NTM: variants seen among roughly 807,000 people sequenced by gnomAD.
NTM encodes neurotrimin, also known as IgLON family member 2.
Under a neutral mutation model 42.1 loss-of-function variants are expected in NTM, and 13 were observed. That is an observed-to-expected ratio of 0.31 (90% CI 0.20 to 0.49). NTM has a LOEUF of 0.49. NTM is among the 20% of genes least tolerant of loss of function. The pLI is 0.99. For synonymous variants in NTM, 187 were observed against 179.2 expected (o/e 1.04, Z -0.35); for missense variants, 373 against 452.8 (o/e 0.82, Z 1.60).
rs568185285 is a variant in NTM, at chr11:131,761,723, C to T, written c.83-149841C>T. Among the ~76,000 whole-genome samples the T allele has an allele frequency of 1.7e-3, 255 of 152,028 alleles. 1 individual carries two copies. The highest frequency in any genetic ancestry group is 6.0e-3 in the African/African-American group (248 of 41,458). On this transcript the variant is annotated intron_variant, in intron 1 of 8. Transcript: ENST00000683400. ...ACTCAGGTGGCTGGGGCAGGGGAAT[C>T]GCTTGAACCTGGCAGGCGGAGGTTG...
chr11:131,549,936 G>A (rs956496355), intron 1 of NTM, among the ~76,000 whole-genome samples: 2 of 152,180 alleles, frequency 1.3e-5, no homozygotes, highest in Non-Finnish European at 2.9e-5. Flanking sequence ...TCTGTATTAT[G>A]CTAGTACAGC....
Position 132,316,919 on chromosome 11 carries a change from G to T in NTM, c.934+2216G>T, listed in dbSNP as rs140047146. On this transcript the variant is annotated intron_variant, in intron 7 of 8. Transcript: ENST00000683400. ...AAGCCAACAAGCACACTTGGGGCAG[G>T]TTGGAAAGCAGCATGTACTTTTTGC... is the stretch of plus-strand genomic sequence containing the variant. Among the ~76,000 whole-genome samples, 655 of 152,292 alleles carry T rather than the reference G, an allele frequency of 4.3e-3. 4 individuals carry two copies. The highest frequency in any genetic ancestry group is 0.014 in the African/African-American group (590 of 41,550).
chr11:131,796,455 G>A (rs2136192264), intron 1 of NTM, among the ~76,000 whole-genome samples: 1 of 152,338 alleles, frequency 6.6e-6, no homozygotes, highest in East Asian at 1.9e-4. Context: ...ACTAGTGGCT[G>A]CTGCCAGTAT....
chr11:131,664,127 A>C (rs1368318571), intron 1 of NTM, among the ~76,000 whole-genome samples: 2 of 152,194 alleles, frequency 1.3e-5, no homozygotes, highest in African/African-American at 4.8e-5. Flanking sequence ...TGCAGCCAGC[A>C]CAGGGAGGTG....
intron 8 of NTM, among the ~76,000 whole-genome samples, chr11:132,332,018 A>G (rs544068338): frequency 2.2e-4 from 34 of 152,194 alleles, no homozygotes; most frequent in South Asian, 6.2e-4. Context: ...ACTTGGTGCT[A>G]GCCTGTTGGC....
intron 1 of NTM, among the ~76,000 whole-genome samples, chr11:131,564,110 G>A (rs781505456): frequency 8.5e-5 from 13 of 152,228 alleles, no homozygotes; most frequent in Middle Eastern, 6.8e-3. Context: ...CTCTGCCAGT[G>A]GTTTATGCCC....
At chr11:131,706,256 T>C (rs1187813672) in intron 1 of NTM, among the ~76,000 whole-genome samples, 1 of 151,636 alleles carries the variant, frequency 6.6e-6, no homozygotes, top group African/African-American at 2.4e-5. Context: ...CATTATAAAA[T>C]GAAAAAGGGA....
At chr11:131,456,881 CTA>C (rs1333802160) in intron 1 of NTM, among the ~76,000 whole-genome samples, 1 of 152,256 alleles carries the variant, frequency 6.6e-6, no homozygotes, top group East Asian at 1.9e-4. Context: ...TTTCCTATCT[CTA>C]TGATTTTCAT....
At chr11:132,110,478 T>C (rs911365394) in intron 2 of NTM, among the ~76,000 whole-genome samples, 19 of 152,234 alleles carry the variant, frequency 1.2e-4, no homozygotes, top group African/African-American at 4.1e-4. Context: ...ATTCCTAATA[T>C]CACGTTGCCC....
At chr11:132,316,960 T>C (rs1253213976) in intron 7 of NTM, among the ~76,000 whole-genome samples, 1 of 152,246 alleles carries the variant, frequency 6.6e-6, no homozygotes, top group Non-Finnish European at 1.5e-5. Flanking sequence ...TACAAACTTC[T>C]TGATGAAGTT....
intron 1 of NTM, among the ~76,000 whole-genome samples, chr11:131,843,256 C>G (rs1592226096): frequency 6.6e-6 from 1 of 152,230 alleles, no homozygotes; most frequent in East Asian, 1.9e-4. Flanking sequence ...TCTCCCCTCT[C>G]CAGAGGTCCC....
At chr11:131,890,259 C>T (rs965630239) in intron 1 of NTM, among the ~76,000 whole-genome samples, 2 of 152,170 alleles carry the variant, frequency 1.3e-5, no homozygotes, top group Non-Finnish European at 2.9e-5. Context: ...TGTAGAGACA[C>T]ACACCATACC....
chr11:131,996,268 G>A lies in NTM; in HGVS notation c.167+84620G>A, dbSNP rs116883793. 2.8e-3 allele frequency among the ~76,000 whole-genome samples: 433 copies of A among 152,128 alleles called. 8 individuals carry two copies. In the East Asian group the frequency reaches 0.034, roughly 12 times the overall value. ...GAGTCCAAAAGTTAAGGAAAGAAAA[G>A]CAGTCACCCTGCTGTTCCCCTGACC... is the stretch of plus-strand genomic sequence containing the variant. On this transcript the variant is annotated intron_variant, in intron 2 of 8. Transcript: ENST00000683400.
In NTM at chr11:131,667,733, C is replaced by A. The variant is rs545212216; in HGVS notation, c.83-243831C>A. On this transcript the variant is annotated intron_variant, in intron 1 of 8. Transcript: ENST00000683400. ...ACCTTGAGACTTTGAGGGCTTCTCACCCTGATCTCACCTTAGAACCACCCA... is the reference window on the plus strand; with the variant it reads ...ACCTTGAGACTTTGAGGGCTTCTCAACCTGATCTCACCTTAGAACCACCCA... 2.0e-5 allele frequency among the ~76,000 whole-genome samples: 3 copies of A among 152,324 alleles called. No homozygotes were observed. The South Asian group carries it at 6.2e-4, about 32-fold the overall frequency.
intron 1 of NTM, among the ~76,000 whole-genome samples, chr11:131,461,416 A>C (rs1253263534): frequency 6.6e-6 from 1 of 152,244 alleles, no homozygotes; most frequent in Non-Finnish European, 1.5e-5. Flanking sequence ...AAAGAAAATT[A>C]AAAGACAGCT....
intron 1 of NTM, among the ~76,000 whole-genome samples, chr11:131,488,300 G>A (rs764539333): frequency 2.0e-5 from 3 of 152,134 alleles, no homozygotes; most frequent in African/African-American, 4.8e-5. Flanking sequence ...CATTCAGCTC[G>A]GAGCTCAGCT....
chr11:131,789,645 G>GAAGAAGA lies in NTM; in HGVS notation c.83-121917_83-121911dup, dbSNP rs1565553215. On this transcript the variant is annotated intron_variant, in intron 1 of 8. Coordinates refer to ENST00000683400, the MANE Select transcript of NTM (RefSeq NM_001352005.2). ...AAGAAGAAGAAGAAGAAAAGAAGAA[G>GAAGAAGA]AAGAAGAAGAAGAAGAAGAAGAAAG... Among the ~76,000 whole-genome samples the GAAGAAGA allele has an allele frequency of 1.2e-4, 16 of 128,300 alleles. 1 individual carries two copies. The highest frequency in any genetic ancestry group is 4.7e-4 in the African/African-American group (16 of 33,914). 84.2% of individuals were successfully genotyped at this position (128,300 alleles called of 152,430 possible). A position where few individuals can be genotyped will look rare whatever the true frequency, so the allele number is the denominator to read the frequency against.
intron 1 of NTM, among the ~76,000 whole-genome samples, chr11:131,414,853 G>C (rs78821993): frequency 6.6e-6 from 1 of 152,134 alleles, no homozygotes; most frequent in Non-Finnish European, 1.5e-5. Flanking sequence ...AAGCTTGCAT[G>C]TTAGTCCTTC....
chr11:131,548,627 A>G (rs989248872), intron 1 of NTM, among the ~76,000 whole-genome samples: 7 of 152,212 alleles, frequency 4.6e-5, no homozygotes, highest in African/African-American at 1.7e-4. Context: ...ACTTCTTTCT[A>G]TTCCGATCCA....
Sources: allele counts gnomAD v4.1 joint callset (sites outside exome capture counted in the v4.1 genomes callset), GRCh38; gene constraint gnomAD v4.1.1; transcripts MANE v1.5; gene names NCBI Gene and HGNC (gene_info 2026-07-23, HGNC 2026-07-21).